CORO2B: variants seen among roughly 807,000 people sequenced by gnomAD.
CORO2B encodes the protein coronin-2B.
In CORO2B, 26 loss-of-function variants were observed where a neutral mutation model predicts 58.8. That is an observed-to-expected ratio of 0.44 (90% confidence interval 0.32 to 0.61). The LOEUF (loss-of-function observed/expected upper bound fraction) is 0.61. Among genes scored for constraint, CORO2B ranks in the 20% least tolerant of loss-of-function variants. The probability of loss-of-function intolerance (pLI) is 0.04; values close to 1 mark genes in which losing one functional copy is unlikely to be tolerated. For missense variants in CORO2B, 460 were observed against 645.1 expected (o/e 0.71, Z 3.11); for synonymous variants, 242 against 253.8 (o/e 0.95, Z 0.44).
intron 1 of CORO2B, among the ~76,000 whole-genome samples, chr15:68,600,434 G>A (rs1290026737): frequency 6.6e-6 from 1 of 152,146 alleles, no homozygotes; most frequent in Non-Finnish European, 1.5e-5. Flanking sequence ...CCCACCAGCA[G>A]ACAAGCTCCT....
intron 1 of CORO2B, among the ~76,000 whole-genome samples, chr15:68,606,826 T>G (rs1184386021): frequency 6.6e-6 from 1 of 152,096 alleles, no homozygotes; most frequent in Non-Finnish European, 1.5e-5. Flanking sequence ...TTCTTGAGCA[T>G]GGAGGGGTGG....
At chr15:68,547,131 A>C in the CORO2B span, among the ~76,000 whole-genome samples, 1 of 152,234 alleles carries the variant, frequency 6.6e-6, no homozygotes, top group African/African-American at 2.4e-5. Context: ...TAGGAGGTCC[A>C]GGATAATTGC....
chr15:68,522,354 A>G, the CORO2B span, among the ~76,000 whole-genome samples: 1,305 of 152,254 alleles, frequency 8.6e-3, 11 homozygotes, highest in South Asian at 0.022. Flanking sequence ...ACTCTCCACC[A>G]TGTCTCATAT....
intron 1 of CORO2B, among the ~76,000 whole-genome samples, chr15:68,584,700 C>T (rs557180865): frequency 9.2e-5 from 14 of 152,234 alleles, no homozygotes; most frequent in African/African-American, 2.6e-4. Flanking sequence ...ATTCTCTCTG[C>T]GCCCAGCCCT....
chr15:68,679,174 C>T (rs1902687747), intron 2 of CORO2B, among the ~76,000 whole-genome samples: 1 of 152,192 alleles, frequency 6.6e-6, no homozygotes, highest in Non-Finnish European at 1.5e-5. Flanking sequence ...GAAGTGACAT[C>T]CAAGGGAATC....
At chr15:68,576,058 T>G (rs754392179), upstream of CORO2B, among the ~76,000 whole-genome samples, 10 of 128,432 alleles carry the variant, frequency 7.8e-5, no homozygotes, top group Non-Finnish European at 4.7e-5. Flanking sequence ...GAGGTGGAGG[T>G]GGGAGAATCG....
chr15:68,714,038 C>G lies in CORO2B; in HGVS notation c.762C>G (p.Asp254Glu). ...RWNTRQIALW[D>E]QEDLSMPLIE... Reference sequence around the variant, plus strand: ...ACACAAGACAGATTGCCCTCTGGGACCAGGTCAGCCACGGGGAGGCCTGCT... The same window carrying G: ...ACACAAGACAGATTGCCCTCTGGGAGCAGGTCAGCCACGGGGAGGCCTGCT... The change falls in exon 6 of 12, where the codon GAC becomes GAG. Residue 254 changes from aspartate to glutamate, a missense_variant. This residue lies in a region of CORO2B where 352 missense variants were observed against 543.0 expected (regional missense o/e 0.65). Coordinates refer to ENST00000261861, the MANE Select transcript of CORO2B (RefSeq NM_006091.5). The G allele has an allele frequency of 6.2e-7, 1 of 1,608,610 alleles. No homozygotes were observed.
intron 1 of CORO2B, among the ~76,000 whole-genome samples, chr15:68,623,561 G>A (rs918486346): frequency 2.6e-5 from 4 of 151,642 alleles, no homozygotes; most frequent in African/African-American, 9.7e-5. Flanking sequence ...TGTAAACAGA[G>A]GCTGGAGGAC....
At chr15:68,524,891 C>A in the CORO2B span, among the ~76,000 whole-genome samples, 1 of 152,168 alleles carries the variant, frequency 6.6e-6, no homozygotes, top group Non-Finnish European at 1.5e-5. Context: ...GCAGAGGCTC[C>A]CAGCCTGAGC....
At chr15:68,522,953 ATCT>A in the CORO2B span, among the ~76,000 whole-genome samples, 5 of 152,142 alleles carry the variant, frequency 3.3e-5, no homozygotes, top group African/African-American at 9.7e-5. Flanking sequence ...GGATGATAAC[ATCT>A]TCTTCTATAG....
At chr15:68,606,013 A>C (rs892785697) in intron 1 of CORO2B, among the ~76,000 whole-genome samples, 3 of 151,684 alleles carry the variant, frequency 2.0e-5, no homozygotes, top group African/African-American at 4.8e-5. Context: ...AGTGAGCCAC[A>C]GCGCCCGGCC....
the CORO2B span, among the ~76,000 whole-genome samples, chr15:68,556,721 G>A: frequency 6.6e-6 from 1 of 152,146 alleles, no homozygotes; most frequent in African/African-American, 2.4e-5. Context: ...GTTGTTGTTC[G>A]GGGTCTTCTC....
intron 2 of CORO2B, among the ~76,000 whole-genome samples, chr15:68,647,359 G>C (rs1429779125): frequency 1.3e-5 from 2 of 152,172 alleles, no homozygotes; most frequent in Admixed American, 1.3e-4. Context: ...AAGTATTCCT[G>C]TGAAGAATAT....
chr15:68,607,817 C>CAA (rs34353055), intron 1 of CORO2B, among the ~76,000 whole-genome samples: 36 of 106,230 alleles, frequency 3.4e-4, no homozygotes, highest in African/African-American at 8.8e-4. Flanking sequence ...GACCCTATCT[C>CAA]AAAAAAAAAA....
At chr15:68,584,253 A>G (rs530055959) in intron 1 of CORO2B, among the ~76,000 whole-genome samples, 1 of 152,268 alleles carries the variant, frequency 6.6e-6, no homozygotes, top group East Asian at 1.9e-4. Context: ...CTCTCCCTCT[A>G]GGCAATGAAG....
intron 11 of CORO2B, among the ~76,000 whole-genome samples, chr15:68,722,390 G>A (rs1368760387): frequency 1.3e-5 from 2 of 152,180 alleles, no homozygotes; most frequent in Admixed American, 6.5e-5. Context: ...GTAGCAGTTC[G>A]GAAGCAGCCA....
intron 4 of CORO2B, among the ~76,000 whole-genome samples, chr15:68,711,291 T>A (rs74020288): frequency 6.6e-6 from 1 of 152,158 alleles, no homozygotes; most frequent in Admixed American, 6.5e-5. Context: ...ACAAGGAACA[T>A]GTATCCTTCT....
At chr15:68,654,746 G>A (rs1283007407) in intron 2 of CORO2B, among the ~76,000 whole-genome samples, 1 of 152,186 alleles carries the variant, frequency 6.6e-6, no homozygotes, top group Non-Finnish European at 1.5e-5. Flanking sequence ...GCTAGTAAAC[G>A]GGAGCCATGG....
chr15:68,579,236 GC>G lies in CORO2B; in HGVS notation c.-22del. ...CGCCGCCCCCGCACGCCGCGCCCGC[GC>G]CCCCGCTCCGCCGCGGAGTTTCTGC... On this transcript the variant is annotated 5_prime_UTR_variant, in exon 1 of 12. Transcript: ENST00000261861. The G allele has an allele frequency of 1.8e-6, 2 of 1,138,974 alleles. No homozygotes were observed. The highest frequency in any genetic ancestry group is 3.6e-5 in the South Asian group (1 of 27,498). 70.6% of individuals were successfully genotyped at this position (1,138,974 alleles called of 1,614,324 possible). A position where few individuals can be genotyped will look rare whatever the true frequency, so the allele number is the denominator to read the frequency against.
Sources: gnomAD v4.1 joint callset for allele counts (sites outside exome capture counted in the v4.1 genomes callset) on GRCh38, gnomAD v4.1.1 for gene constraint, gnomAD v4.1.1 regional missense constraint, MANE v1.5 for transcripts, NCBI Gene and HGNC (gene_info 2026-07-23, HGNC 2026-07-21) for gene names.